The following FHIT variants were observed in gnomAD, a reference collection of about 807,000 sequenced individuals.
FHIT encodes fragile histidine triad diadenosine triphosphatase, also known as bis(5'-adenosyl)-triphosphatase.
FHIT carries 19 observed loss-of-function variants against 17.9 expected under a neutral mutation model. That is an observed-to-expected ratio of 1.06 (90% CI 0.74 to 1.56). The LOEUF (loss-of-function observed/expected upper bound fraction) is 1.56. Among genes scored for constraint, FHIT ranks in the 40% most tolerant of loss-of-function variants. FHIT has a pLI of 0.00. For synonymous variants in FHIT, 81 were observed against 69.7 expected (o/e 1.16, Z -0.81); for missense variants, 248 against 189.2 (o/e 1.31, Z -1.82).
At chr3:60,244,821 T>C (rs894592157) in intron 5 of FHIT, among the ~76,000 whole-genome samples, 3 of 152,150 alleles carry the variant, frequency 2.0e-5, no homozygotes, top group African/African-American at 7.2e-5. Context: ...CAGCGTGGCT[T>C]TTAATTTTAG....
Position 61,069,482 on chromosome 3 carries a change from T to C in FHIT, c.-163-27383A>G, listed in dbSNP as rs560746041. 2.0e-3 allele frequency among the ~76,000 whole-genome samples: 309 copies of C among 152,316 alleles called. 1 individual carries two copies. The highest frequency in any genetic ancestry group is 7.0e-3 in the African/African-American group (292 of 41,562). On this transcript the variant is annotated intron_variant, in intron 2 of 9. Transcript: ENST00000492590. ...GTGTAGCCATGATTAAGGACTGTTA[T>C]GGTAGGTGATAACCCTGTTTTCCTG...
At chr3:59,947,300 G>T (rs780534298) in intron 7 of FHIT, among the ~76,000 whole-genome samples, 3 of 152,168 alleles carry the variant, frequency 2.0e-5, no homozygotes, top group Non-Finnish European at 2.9e-5. Flanking sequence ...TGTGTGCATA[G>T]AAGTAGTAGT....
intron 4 of FHIT, among the ~76,000 whole-genome samples, chr3:60,813,615 AATTAC>A (rs1281619373): frequency 6.6e-5 from 10 of 152,182 alleles, no homozygotes; most frequent in Admixed American, 4.6e-4. Context: ...TATACTCTCC[AATTAC>A]ATTTTTTCAC....
intron 5 of FHIT, among the ~76,000 whole-genome samples, chr3:60,506,657 C>T (rs745316129): frequency 3.9e-5 from 6 of 152,118 alleles, no homozygotes; most frequent in Admixed American, 1.3e-4. Context: ...AAGCTTTAAA[C>T]GTATGTGTGT....
At position 59,984,206 on chromosome 3, in the gene FHIT, G is replaced by A. The variant is rs73106558; in HGVS notation, c.279+27165C>T. ...TCTTTACTGCTTTATTATCATTAAT[G>A]CCTTAGACTGAATTTCTCCAGAACT... On this transcript the variant is annotated intron_variant, in intron 7 of 9. Coordinates refer to ENST00000492590, the MANE Select transcript of FHIT (RefSeq NM_002012.4). Among the ~76,000 whole-genome samples the A allele has an allele frequency of 8.4e-3, 1,278 of 152,130 alleles. 6 individuals carry two copies. Among genetic ancestry groups the A allele is most frequent in the Non-Finnish European group, 0.012 (828 of 68,004 alleles).
chr3:60,606,599 G>C (rs140904333), intron 4 of FHIT, among the ~76,000 whole-genome samples: 15 of 152,190 alleles, frequency 9.9e-5, no homozygotes, highest in African/African-American at 3.4e-4. Context: ...CCACCATTAG[G>C]ATAGTGAATT....
intron 5 of FHIT, among the ~76,000 whole-genome samples, chr3:60,085,277 C>T (rs765357118): frequency 6.6e-6 from 1 of 152,118 alleles, no homozygotes; most frequent in African/African-American, 2.4e-5. Flanking sequence ...TTACCAAGAG[C>T]AGATCATTCT....
intron 4 of FHIT, among the ~76,000 whole-genome samples, chr3:60,771,777 T>A: frequency 6.6e-6 from 1 of 152,220 alleles, no homozygotes; most frequent in East Asian, 1.9e-4. Flanking sequence ...TAGTTTCACA[T>A]CAGCAGTGCT....
chr3:60,924,459 G>C (rs1428015855), intron 3 of FHIT, among the ~76,000 whole-genome samples: 1 of 152,090 alleles, frequency 6.6e-6, no homozygotes, highest in African/African-American at 2.4e-5. Flanking sequence ...GTCTAGAGTG[G>C]GCCTGCAGCA....
intron 5 of FHIT, among the ~76,000 whole-genome samples, chr3:60,145,972 A>G (rs1456382305): frequency 6.6e-6 from 1 of 152,214 alleles, no homozygotes; most frequent in Non-Finnish European, 1.5e-5. Context: ...ATATTTTTTA[A>G]CATGCAACAG....
At chr3:60,906,073 C>T (rs982035005) in intron 3 of FHIT, among the ~76,000 whole-genome samples, 37 of 151,956 alleles carry the variant, frequency 2.4e-4, no homozygotes, top group Middle Eastern at 3.4e-3. Context: ...ATCACATCAA[C>T]GTAAATAATC....
chr3:60,275,717 G>C (rs113557830), intron 5 of FHIT, among the ~76,000 whole-genome samples: 49 of 152,200 alleles, frequency 3.2e-4, no homozygotes, highest in African/African-American at 9.6e-4. Context: ...AGAAGATTTT[G>C]TTCTATAGTA....
In FHIT at chr3:61,014,779, C is replaced by CAAAA. The variant is rs869289360; in HGVS notation, c.-111+27264_-111+27267dup. On this transcript the variant is annotated intron_variant, in intron 3 of 9. Transcript: ENST00000492590. ...TGGGTGACAGAGCGAGACTCTGCCT[C>CAAAA]AAAAAAAAAAAAAAAAAAAAAAAAA... Among the ~76,000 whole-genome samples, 23 of 65,806 alleles carry CAAAA rather than the reference C, an allele frequency of 3.5e-4. 1 individual carries two copies. The highest frequency in any genetic ancestry group is 8.1e-4 in the African/African-American group (7 of 8,668). The allele number at this position is 65,806 out of a possible 152,430, so 43.2% of individuals were successfully genotyped here.
chr3:60,909,068 T>C (rs572013665), intron 3 of FHIT, among the ~76,000 whole-genome samples: 8 of 152,090 alleles, frequency 5.3e-5, no homozygotes, highest in Non-Finnish European at 1.0e-4. Flanking sequence ...AACTATACCA[T>C]CTATAAAAGA....
chr3:60,657,539 C>T (rs551481560), intron 4 of FHIT, among the ~76,000 whole-genome samples: 1 of 152,260 alleles, frequency 6.6e-6, no homozygotes, highest in African/African-American at 2.4e-5. Context: ...TGGTAAGTCA[C>T]TTATCCATTC....
intron 8 of FHIT, among the ~76,000 whole-genome samples, chr3:59,910,272 G>T (rs897393656): frequency 1.3e-5 from 2 of 152,202 alleles, no homozygotes; most frequent in Non-Finnish European, 2.9e-5. Flanking sequence ...CAGGGCATAG[G>T]TAGATAGGAG....
intron 4 of FHIT, among the ~76,000 whole-genome samples, chr3:60,791,164 C>G (rs1700764254): frequency 6.6e-6 from 1 of 152,018 alleles, no homozygotes; most frequent in Admixed American, 6.6e-5. Flanking sequence ...CTCAAGCTGG[C>G]CCCTTATCTT....
chr3:61,005,713 A>C (rs1315250912), intron 3 of FHIT, among the ~76,000 whole-genome samples: 1 of 152,138 alleles, frequency 6.6e-6, no homozygotes, highest in Non-Finnish European at 1.5e-5. Context: ...CCTGTGTGTG[A>C]AACGCAATAA....
chr3:60,569,734 T>TATATATATATATATATATATATATAC (rs1553654738), intron 4 of FHIT, among the ~76,000 whole-genome samples: 17 of 44,104 alleles, frequency 3.9e-4, no homozygotes, highest in Non-Finnish European at 6.6e-4. Context: ...ACTATATATA[T>TATATATATATATATATATATATATAC]ATATATATAT....
Sources: allele counts gnomAD v4.1 joint callset (sites outside exome capture counted in the v4.1 genomes callset), GRCh38; gene constraint gnomAD v4.1.1; transcripts MANE v1.5; gene names NCBI Gene and HGNC (gene_info 2026-07-23, HGNC 2026-07-21).